The following HSD3B7 variants were observed in gnomAD, a reference collection of about 807,000 sequenced individuals.
The protein encoded by HSD3B7 is 3 beta-hydroxysteroid dehydrogenase type 7.
HSD3B7 carries 35 observed loss-of-function variants against 34.3 expected under a neutral mutation model. The observed-to-expected ratio is 1.02, with a 90% CI of 0.78 to 1.35. HSD3B7 has a LOEUF of 1.35. Among genes scored for constraint, HSD3B7 ranks in the 40% most tolerant of loss-of-function variants. The probability of loss-of-function intolerance (pLI) is 0.00; values close to 1 mark genes in which losing one functional copy is unlikely to be tolerated. For missense variants in HSD3B7, 426 were observed against 504.7 expected, an observed-to-expected ratio of 0.84 and a Z score of 1.49; for synonymous variants, 217 against 220.1, an observed-to-expected ratio of 0.99 and a Z score of 0.13.
intron 6 of HSD3B7, 74 bp from the exon 7 acceptor site, chr16:30,987,694 C>T: frequency 6.4e-7 from 1 of 1,558,202 alleles, no homozygotes; most frequent in Non-Finnish European, 8.7e-7. Flanking sequence ...GAGGGGGTGG[C>T]CCAGGAGAGC....
chr16:30,987,088 A>G (rs2056492142), intron 6 of HSD3B7, 86 bp downstream of exon 6: 1 of 1,431,506 alleles, frequency 7.0e-7, no homozygotes, highest in East Asian at 2.3e-5. Context: ...TGGCCCTGGG[A>G]GAGAAGTGTG....
In HSD3B7 at chr16:30,986,086, C is replaced by T; in HGVS notation, c.204C>T (p.Thr68=). 1 of 1,613,702 alleles carries T rather than the reference C, an allele frequency of 6.2e-7. No homozygotes were observed. Among genetic ancestry groups the T allele is most frequent in the Non-Finnish European group, 8.5e-7 (1 of 1,179,992 alleles). ...VRVTAIQGDV[T]QAHEVAAAVA... ...TGACTGCCATCCAGGGGGACGTGAC[C>T]CAGGCCCATGAGGTGGCAGCAGCTG... is the stretch of plus-strand genomic sequence containing the variant. Residue 68 remains threonine (T), a synonymous_variant, in exon 3 of 7, where the codon ACC becomes ACT. Coordinates refer to ENST00000297679, the MANE Select transcript of HSD3B7 (RefSeq NM_025193.4).
At chr16:30,987,121 TCTATACATGGG>T (rs1376037795) in intron 6 of HSD3B7, 119 bp downstream of exon 6, 2 of 1,080,410 alleles carry the variant, frequency 1.9e-6, no homozygotes, top group Non-Finnish European at 2.6e-6. Flanking sequence ...AAAAATATGG[TCTATACATGGG>T]CCAAGGTAGA....
At chr16:30,985,400 C>T in intron 1 of HSD3B7, 103 bp downstream of exon 1, 3 of 1,384,562 alleles carry the variant, frequency 2.2e-6, no homozygotes, top group Non-Finnish European at 1.9e-6. Flanking sequence ...CTGGCCTCCC[C>T]ACCCTTTTAC....
rs959384495 is a variant in HSD3B7, at chr16:30,988,523, G to T, written c.*340G>T. ...TTTTTTTGTTGTTTTTAGAGACAGG[G>T]TCTCACTATATTGCTCAGGCTGGTC... is the stretch of plus-strand genomic sequence containing the variant. On this transcript the variant is annotated 3_prime_UTR_variant, in exon 7 of 7. Coordinates refer to ENST00000297679, the MANE Select transcript of HSD3B7 (RefSeq NM_025193.4). 5 of 275,344 alleles carry T rather than the reference G, an allele frequency of 1.8e-5. No individual in the cohort carries two copies. Among genetic ancestry groups the T allele is most frequent in the East Asian group, 8.2e-5 (1 of 12,244 alleles). The allele number at this position is 275,344 out of a possible 1,614,324, so 17.1% of individuals were successfully genotyped here.
rs564596156 is a variant in HSD3B7, at chr16:30,988,081, C to T, written c.1008C>T (p.Asp336=). The T allele has an allele frequency of 1.2e-6, 2 of 1,606,526 alleles. No individual in the cohort carries two copies. Among genetic ancestry groups the T allele is most frequent in the East Asian group, 2.2e-5 (1 of 44,858 alleles). The stretch of plus-strand genomic sequence containing the variant: ...ACACCACCTTCACCGTCAGCACCGA[C>T]AAGGCTCAGCGCCATTTCGGCTATG... ...VANTTFTVST[D]KAQRHFGYEP... is the part of the protein sequence containing the mutation. The change falls in exon 7 of 7, where the codon GAC becomes GAT. Residue 336 remains aspartate (D), a synonymous_variant. Coordinates refer to ENST00000297679, the MANE Select transcript of HSD3B7 (RefSeq NM_025193.4).
Position 30,988,234 on chromosome 16 carries a change from C to T in HSD3B7, c.*51C>T, listed in dbSNP as rs376693465. 2.3e-3 allele frequency: 3,539 copies of T among 1,521,426 alleles called. 11 individuals are homozygous for T. Among genetic ancestry groups the T allele is most frequent in the Non-Finnish European group, 2.1e-3 (2,366 of 1,131,746 alleles). 94.2% of individuals were successfully genotyped at this position (1,521,426 alleles called of 1,614,324 possible). A position where few individuals can be genotyped will look rare whatever the true frequency, so the allele number is the denominator to read the frequency against. On this transcript the variant is annotated 3_prime_UTR_variant, in exon 7 of 7. Coordinates refer to ENST00000297679, the MANE Select transcript of HSD3B7 (RefSeq NM_025193.4). ...AGATACAGCACATCCACCCAGGTCC[C>T]GAGCCCTCACACCCTGGACGGGAAG...
chr16:30,987,701 G>C (rs2056503822), intron 6 of HSD3B7, 67 bp from the exon 7 acceptor site: 3 of 1,576,808 alleles, frequency 1.9e-6, no homozygotes, highest in African/African-American at 1.3e-5. Flanking sequence ...TGGCCCAGGA[G>C]AGCAGCCTCG....
intron 2 of HSD3B7, 67 bp downstream of exon 2, chr16:30,985,891 T>C: frequency 6.3e-7 from 1 of 1,585,072 alleles, no homozygotes; most frequent in South Asian, 1.1e-5. Context: ...CAAGCTGGGA[T>C]CCCCACCCCT....
intron 3 of HSD3B7, 34 bp from the exon 4 acceptor site, chr16:30,986,389 A>G (rs1187993900): frequency 6.3e-7 from 1 of 1,591,290 alleles, no homozygotes; most frequent in African/African-American, 1.3e-5. Context: ...AGAGGGAAGA[A>G]GCTGCAGCTT....
Position 30,986,232 on chromosome 16 carries a change from T to C in HSD3B7, c.322+28T>C, listed in dbSNP as rs1193913933. The C allele has an allele frequency of 1.9e-6, 3 of 1,610,006 alleles. No individual in the cohort carries two copies. In the South Asian group the frequency reaches 3.3e-5, roughly 18 times the overall value. ...GAGGAGCTCTGGACACTCCTGGCCATCTTGCCTGTTTGTTCCCCACTCTGT... is the reference window on the plus strand; with the variant it reads ...GAGGAGCTCTGGACACTCCTGGCCACCTTGCCTGTTTGTTCCCCACTCTGT... On this transcript the variant is annotated intron_variant, in intron 3 of 6. Transcript: ENST00000297679.
chr16:30,986,285 CT>C, intron 3 of HSD3B7, 81 bp downstream of exon 3: 2 of 1,573,066 alleles, frequency 1.3e-6, no homozygotes, highest in Non-Finnish European at 1.7e-6. Context: ...GGTGACTCCC[CT>C]GGGACAAGTT....
Position 30,988,135 on chromosome 16 carries a change from G to A in HSD3B7, c.1062G>A (p.Arg354=). The A allele has an allele frequency of 6.2e-7, 1 of 1,607,250 alleles. No homozygotes were observed. The highest frequency in any genetic ancestry group is 1.3e-5 in the African/African-American group (1 of 75,034). Residue 354 remains arginine (R), a synonymous_variant, in exon 7 of 7, where the codon CGG becomes CGA. Transcript: ENST00000297679. Reference sequence around the variant, plus strand: ...CCCTGTTCTCGTGGGAGGATAGCCGGACCCGTACCATTCTCTGGGTACAGG... The same window carrying A: ...CCCTGTTCTCGTGGGAGGATAGCCGAACCCGTACCATTCTCTGGGTACAGG... ...YEPLFSWEDS[R]TRTILWVQAA...
At chr16:30,987,444 C>G in intron 6 of HSD3B7, 1 of 457,304 alleles carries the variant, frequency 2.2e-6, no homozygotes. Context: ...CAGACCCTGT[C>G]TCTAAAACTT....
In HSD3B7 at chr16:30,986,457, C is replaced by G. The variant is rs117645456; in HGVS notation, c.357C>G (p.Thr119=). ...ACGTGATCGAGGCTTGTGTGCAGAC[C>G]GGAACACGGTTCCTGGTCTACACCA... is the stretch of plus-strand genomic sequence containing the variant. ...TRNVIEACVQ[T]GTRFLVYTSS... Residue 119 remains threonine (T), a synonymous_variant, in exon 4 of 7, where the codon ACC becomes ACG. Coordinates refer to ENST00000297679, the MANE Select transcript of HSD3B7 (RefSeq NM_025193.4). 8.7e-6 allele frequency: 14 copies of G among 1,614,082 alleles called. No homozygotes were observed. Among genetic ancestry groups the G allele is most frequent in the Non-Finnish European group, 1.2e-5 (14 of 1,180,000 alleles).
rs756963815 is a variant in HSD3B7 at position 30,986,166 on chromosome 16, G to A, written c.284G>A (p.Arg95Lys). 2.5e-6 allele frequency: 4 copies of A among 1,613,968 alleles called. No individual in the cohort carries two copies. In the East Asian group the frequency reaches 8.9e-5, roughly 36 times the overall value. Residue 95 changes from arginine to lysine, a missense_variant, in exon 3 of 7, where the codon AGG becomes AAG. Physicochemically the swap from Arg to Lys is conservative, Grantham distance 26. Coordinates refer to ENST00000297679, the MANE Select transcript of HSD3B7 (RefSeq NM_025193.4). The stretch of plus-strand genomic sequence containing the variant: ...GCTGGGCTGGTAGACGTGTTTGGCA[G>A]GGCCAGTCCCAAGACCATCCATGAG... ...HTAGLVDVFG[R>K]ASPKTIHEVN... is the part of the protein sequence containing the mutation.
In HSD3B7 at chr16:30,986,072, C is replaced by T. The variant is rs551110118; in HGVS notation, c.190C>T (p.Gln64Ter). The change falls in exon 3 of 7, where the codon CAG becomes TAG. Residue 64 changes from glutamine (Q) to a stop codon, truncating the protein, a stop_gained. Coordinates refer to ENST00000297679, the MANE Select transcript of HSD3B7 (RefSeq NM_025193.4). LOFTEE classifies it high-confidence loss of function. Reference protein sequence around the residue: ...KTGPVRVTAIQGDVTQAHEVA... With the variant: ...KTGPVRVTAI ...AGGGCCTGTGAGGGTGACTGCCATC[C>T]AGGGGGACGTGACCCAGGCCCATGA... 1 of 1,613,414 alleles carries T rather than the reference C, an allele frequency of 6.2e-7. No individual in the cohort carries two copies. The highest frequency in any genetic ancestry group is 1.7e-5 in the Admixed American group (1 of 60,026).
rs760460675 is a variant in HSD3B7 at position 30,988,032 on chromosome 16, A to AC, written c.963dup (p.Tyr322LeufsTer24). The AC allele has an allele frequency of 1.2e-6, 2 of 1,607,080 alleles. No homozygotes were observed. Among genetic ancestry groups the AC allele is most frequent in the South Asian group, 2.2e-5 (2 of 91,038 alleles). On this transcript the variant is annotated frameshift_variant, in exon 7 of 7. Coordinates refer to ENST00000297679, the MANE Select transcript of HSD3B7 (RefSeq NM_025193.4). LOFTEE classifies it high-confidence loss of function. ...CTGGTGCTCTACGCACCCCTGCTGA[A>AC]CCCCTACACGCTGGCCGTGGCCAAC...
intron 6 of HSD3B7, chr16:30,987,483 G>T: frequency 1.8e-6 from 1 of 543,606 alleles, no homozygotes; most frequent in Non-Finnish European, 3.3e-6. Context: ...TCTACACAGG[G>T]AATAAGGTCA....
Sources: allele counts gnomAD v4.1 joint callset, GRCh38; gene constraint gnomAD v4.1.1; transcripts MANE v1.5; gene names NCBI Gene and HGNC (gene_info 2026-07-23, HGNC 2026-07-21).